The following FARS2 variants were observed in gnomAD, a reference collection of about 807,000 sequenced individuals.
FARS2 encodes phenylalanyl-tRNA synthetase 2, mitochondrial.
In FARS2, 40 loss-of-function variants were observed where a neutral mutation model predicts 46.4. The ratio of observed to expected loss-of-function variants is 0.86; its 90% CI spans 0.67 to 1.12. The LOEUF (loss-of-function observed/expected upper bound fraction) is 1.12. FARS2 is among the 50% of genes most tolerant of loss of function. The probability of loss-of-function intolerance (pLI) is 0.00; values close to 1 mark genes in which losing one functional copy is unlikely to be tolerated. For missense variants in FARS2, 513 were observed against 567.9 expected (o/e 0.90, Z 0.98); for synonymous variants, 234 against 214.9 (o/e 1.09, Z -0.78).
intron 5 of FARS2, among the ~76,000 whole-genome samples, chr6:5,612,139 T>C (rs1775223017): frequency 6.6e-6 from 1 of 152,242 alleles, no homozygotes. Context: ...TGTTCTAAAC[T>C]GATGCATTTG....
chr6:5,314,466 A>G (rs565237265), intron 1 of FARS2, among the ~76,000 whole-genome samples: 3 of 152,308 alleles, frequency 2.0e-5, no homozygotes, highest in Non-Finnish European at 4.4e-5. Flanking sequence ...TGCTGAACCA[A>G]GGTGACCAAG....
chr6:5,481,409 G>A (rs1278596673), intron 4 of FARS2, among the ~76,000 whole-genome samples: 4 of 152,230 alleles, frequency 2.6e-5, no homozygotes, highest in African/African-American at 9.7e-5. Context: ...CACATTGCAA[G>A]CTGTCCATTG....
At chr6:5,581,026 C>A (rs1773299790) in intron 5 of FARS2, among the ~76,000 whole-genome samples, 2 of 152,368 alleles carry the variant, frequency 1.3e-5, no homozygotes, top group South Asian at 2.1e-4. Context: ...AGCAGCATGA[C>A]AGAGCTTACA....
intron 2 of FARS2, among the ~76,000 whole-genome samples, chr6:5,370,175 G>A (rs1420783332): frequency 6.6e-6 from 1 of 152,142 alleles, no homozygotes; most frequent in Non-Finnish European, 1.5e-5. Context: ...TAGGCCAATA[G>A]GTAACCATTG....
intron 6 of FARS2, among the ~76,000 whole-genome samples, chr6:5,638,523 C>G (rs183284494): frequency 2.4e-3 from 371 of 152,330 alleles, no homozygotes; most frequent in African/African-American, 8.6e-3. Flanking sequence ...CAAGATCGTG[C>G]CACTGCACTC....
At chr6:5,458,316 C>T (rs1342796236) in intron 4 of FARS2, among the ~76,000 whole-genome samples, 16 of 152,210 alleles carry the variant, frequency 1.1e-4, no homozygotes, top group Non-Finnish European at 1.5e-5. Flanking sequence ...ACACCTGAGG[C>T]CCTTCCAGGG....
chr6:5,295,858 A>G (rs1273762134), intron 1 of FARS2, among the ~76,000 whole-genome samples: 2 of 152,128 alleles, frequency 1.3e-5, no homozygotes, highest in Non-Finnish European at 2.9e-5. Flanking sequence ...CGCAGAAGGT[A>G]TATAGCTCCA....
At chr6:5,650,638 G>A (rs1463980410) in intron 6 of FARS2, among the ~76,000 whole-genome samples, 5 of 151,958 alleles carry the variant, frequency 3.3e-5, no homozygotes, top group African/African-American at 9.7e-5. Context: ...CCGCCACCAC[G>A]CCCGGCCAAT....
intron 1 of FARS2, among the ~76,000 whole-genome samples, chr6:5,319,011 A>T (rs762316189): frequency 6.6e-6 from 1 of 152,076 alleles, no homozygotes; most frequent in Non-Finnish European, 1.5e-5. Flanking sequence ...ATGAATAGTT[A>T]GGTTCTTCCT....
chr6:5,491,047 A>G (rs2150360745), intron 4 of FARS2, among the ~76,000 whole-genome samples: 1 of 152,348 alleles, frequency 6.6e-6, no homozygotes, highest in Non-Finnish European at 1.5e-5. Context: ...ATCAATAGAT[A>G]AGGAATACAA....
Position 5,471,665 on chromosome 6 carries a change from A to G in FARS2, c.904+40493A>G, listed in dbSNP as rs992204354. On this transcript the variant is annotated intron_variant, in intron 4 of 6. Transcript: ENST00000274680. This position sits in a 1 kb window ranked among gnomAD's most constrained non-coding sequence, Gnocchi z 4.1. ...AAATAAATAGCAGTCCTGGAATCCT[A>G]TTGCCTAGTGTAGGCAGATCATATT... 1.3e-5 allele frequency among the ~76,000 whole-genome samples: 2 copies of G among 152,182 alleles called. No homozygotes were observed. Among genetic ancestry groups the G allele is most frequent in the African/African-American group, 2.4e-5 (1 of 41,440 alleles).
intron 5 of FARS2, among the ~76,000 whole-genome samples, chr6:5,612,116 T>C (rs570441198): frequency 6.6e-6 from 1 of 152,336 alleles, no homozygotes; most frequent in Admixed American, 6.5e-5. Flanking sequence ...CTATCGTGTT[T>C]GTATGAAATG....
chr6:5,554,043 C>G (rs983810182), intron 5 of FARS2, among the ~76,000 whole-genome samples: 1 of 152,148 alleles, frequency 6.6e-6, no homozygotes, highest in African/African-American at 2.4e-5. Flanking sequence ...CTTTGGCACT[C>G]AATCTTGAAA....
intron 1 of FARS2, among the ~76,000 whole-genome samples, chr6:5,324,874 C>T (rs371221226): frequency 6.6e-6 from 1 of 152,016 alleles, no homozygotes; most frequent in Non-Finnish European, 1.5e-5. Context: ...AAGAACAGAT[C>T]CCATCCCTCC....
chr6:5,482,310 A>G (rs1044503545), intron 4 of FARS2, among the ~76,000 whole-genome samples: 46 of 152,204 alleles, frequency 3.0e-4, no homozygotes, highest in African/African-American at 1.1e-3. Flanking sequence ...TAAATTACAC[A>G]GCATCTTATT....
intron 4 of FARS2, among the ~76,000 whole-genome samples, chr6:5,515,582 G>A (rs1322963818): frequency 6.6e-6 from 1 of 152,044 alleles, no homozygotes; most frequent in Non-Finnish European, 1.5e-5. Flanking sequence ...ATGTGCACCA[G>A]CACGCCCAAC....
intron 6 of FARS2, among the ~76,000 whole-genome samples, chr6:5,702,348 C>G (rs1244693807): frequency 6.6e-6 from 1 of 152,192 alleles, no homozygotes. Flanking sequence ...AACCAGATTT[C>G]TAGTAGCATT....
intron 1 of FARS2, among the ~76,000 whole-genome samples, chr6:5,329,664 C>T (rs980214911): frequency 1.3e-5 from 2 of 152,110 alleles, no homozygotes; most frequent in Admixed American, 1.3e-4. Context: ...ATTGGGGGTC[C>T]CCTTGGTCAC....
At chr6:5,671,368 A>G (rs1030713821) in intron 6 of FARS2, among the ~76,000 whole-genome samples, 5 of 152,178 alleles carry the variant, frequency 3.3e-5, no homozygotes, top group African/African-American at 9.7e-5. Context: ...TGATTGGCTA[A>G]TGAGCTCTTC....
Sources: gnomAD v4.1 joint callset for allele counts (sites outside exome capture counted in the v4.1 genomes callset) on GRCh38, gnomAD v4.1.1 for gene constraint, Gnocchi (gnomAD v3.1) non-coding constraint, MANE v1.5 for transcripts, NCBI Gene and HGNC (gene_info 2026-07-23, HGNC 2026-07-21) for gene names.